SYNJ2BP: variants seen among roughly 807,000 people sequenced by gnomAD.
SYNJ2BP encodes synaptojanin-2-binding protein.
Under a neutral mutation model 16.9 loss-of-function variants are expected in SYNJ2BP, and 10 were observed. The observed-to-expected ratio is 0.59, with a 90% CI of 0.36 to 1.00. The LOEUF is 1.00. Among genes scored for constraint, SYNJ2BP ranks in the 50% least tolerant of loss-of-function variants. The probability of loss-of-function intolerance (pLI) is 0.01; values close to 1 mark genes in which losing one functional copy is unlikely to be tolerated. For missense variants in SYNJ2BP, 162 were observed against 186.7 expected (o/e 0.87, Z 0.77); for synonymous variants, 54 against 68.4 (o/e 0.79, Z 1.04).
In SYNJ2BP at chr14:70,375,526, G is replaced by A. The variant is rs1412483746; in HGVS notation, c.297+150C>T. The A allele has an allele frequency of 3.0e-6, 3 of 997,798 alleles. No homozygotes were observed. The African/African-American group carries it at 5.0e-5, about 17-fold the overall frequency. The allele number at this position is 997,798 out of a possible 1,614,324, so 61.8% of individuals were successfully genotyped here. A position where few individuals can be genotyped will look rare whatever the true frequency, so the allele number is the denominator to read the frequency against. On this transcript the variant is annotated intron_variant, in intron 3 of 3. Coordinates refer to ENST00000256366, the MANE Select transcript of SYNJ2BP (RefSeq NM_018373.3). ...GAATGTCCTTCAATGATAAGCAGAA[G>A]TACCAATGGACCCCTCCCTTTGCCT...
In SYNJ2BP at chr14:70,367,051, G is replaced by A. The variant is rs6573956; in HGVS notation, c.*5940C>T. The A allele has an allele frequency of 2.2e-4, 34 of 152,270 alleles. No individual in the cohort carries two copies. Among genetic ancestry groups the A allele is most frequent in the Non-Finnish European group, 4.1e-4 (28 of 68,028 alleles). The allele number at this position is 152,270 out of a possible 1,614,324, so 9.4% of individuals were successfully genotyped here. A position where few individuals can be genotyped will look rare whatever the true frequency, so the allele number is the denominator to read the frequency against. On this transcript the variant is annotated 3_prime_UTR_variant, in exon 4 of 4. Transcript: ENST00000256366. ...TCTTTTGTAAATTATTGTTGGTTAAGGATTGACTTGCATTGACAACACACT... is the reference window on the plus strand; with the variant it reads ...TCTTTTGTAAATTATTGTTGGTTAAAGATTGACTTGCATTGACAACACACT...
At chr14:70,409,925 C>T (rs1440908077) in intron 1 of SYNJ2BP, among the ~76,000 whole-genome samples, 1 of 149,174 alleles carries the variant, frequency 6.7e-6, no homozygotes, top group African/African-American at 2.5e-5. Context: ...GACTGGGCAA[C>T]ATAGTGAGAT....
intron 1 of SYNJ2BP, among the ~76,000 whole-genome samples, chr14:70,412,037 G>C (rs1213794317): frequency 3.3e-5 from 5 of 152,226 alleles, no homozygotes; most frequent in African/African-American, 9.6e-5. Context: ...GTTTCAGTTA[G>C]CATGAAACCC....
intron 2 of SYNJ2BP, among the ~76,000 whole-genome samples, chr14:70,387,228 T>C (rs1304136272): frequency 6.6e-6 from 1 of 152,216 alleles, no homozygotes; most frequent in Non-Finnish European, 1.5e-5. Context: ...CATTTTTCAC[T>C]AGTCCTGAAG....
intron 2 of SYNJ2BP, among the ~76,000 whole-genome samples, chr14:70,383,124 T>C (rs765729175): frequency 6.6e-6 from 1 of 152,202 alleles, no homozygotes; most frequent in African/African-American, 2.4e-5. Context: ...AGTCAGTGTG[T>C]TATAATGCAG....
At chr14:70,413,117 T>C (rs552065804) in intron 1 of SYNJ2BP, among the ~76,000 whole-genome samples, 12 of 152,316 alleles carry the variant, frequency 7.9e-5, no homozygotes, top group African/African-American at 2.6e-4. Context: ...CTCATACTAT[T>C]AGTCTAAAAT....
chr14:70,386,853 A>G (rs897452183), intron 2 of SYNJ2BP, among the ~76,000 whole-genome samples: 2 of 152,248 alleles, frequency 1.3e-5, no homozygotes, highest in African/African-American at 4.8e-5. Context: ...GGATGAAGCT[A>G]ACTCATTATA....
At chr14:70,378,735 C>T (rs1163620055) in intron 2 of SYNJ2BP, among the ~76,000 whole-genome samples, 1 of 152,068 alleles carries the variant, frequency 6.6e-6, no homozygotes, top group Non-Finnish European at 1.5e-5. Flanking sequence ...GCTGTTGACA[C>T]TAAAAACAAA....
chr14:70,404,555 G>C (rs61979068), intron 1 of SYNJ2BP, among the ~76,000 whole-genome samples: 8,153 of 152,168 alleles, frequency 0.054, 281 homozygotes, highest in Middle Eastern at 0.11. Context: ...GATTGAGAAG[G>C]TTATCTTTCT....
At chr14:70,388,974 C>T (rs1038198673) in intron 1 of SYNJ2BP, among the ~76,000 whole-genome samples, 34 of 149,540 alleles carry the variant, frequency 2.3e-4, no homozygotes, top group African/African-American at 7.9e-4. Context: ...GTGGTGGGCG[C>T]CTGTAATCCC....
intron 1 of SYNJ2BP, among the ~76,000 whole-genome samples, chr14:70,404,449 CATGTT>C (rs1888305240): frequency 6.6e-6 from 1 of 152,104 alleles, no homozygotes; most frequent in Non-Finnish European, 1.5e-5. Flanking sequence ...AACTTAAAAT[CATGTT>C]ATGCTAAATT....
At position 70,372,018 on chromosome 14, in the gene SYNJ2BP, T is replaced by G. The variant is rs903016916; in HGVS notation, c.*973A>C. 6.6e-6 allele frequency: 1 copy of G among 152,200 alleles called. No individual in the cohort carries two copies. Among genetic ancestry groups the G allele is most frequent in the Non-Finnish European group, 1.5e-5 (1 of 68,032 alleles). The allele number at this position is 152,200 out of a possible 1,614,324, so 9.4% of individuals were successfully genotyped here. A position where few individuals can be genotyped will look rare whatever the true frequency, so the allele number is the denominator to read the frequency against. On this transcript the variant is annotated 3_prime_UTR_variant, in exon 4 of 4. Coordinates refer to ENST00000256366, the MANE Select transcript of SYNJ2BP (RefSeq NM_018373.3). ...ATTTACCTTTACACCTCAAAGTTTT[T>G]TAGATGTGAGCAGCGCTGGATTATG... is the stretch of plus-strand genomic sequence containing the variant.
intron 1 of SYNJ2BP, among the ~76,000 whole-genome samples, chr14:70,391,938 C>G (rs186060695): frequency 3.3e-5 from 5 of 152,316 alleles, no homozygotes; most frequent in African/African-American, 1.2e-4. Flanking sequence ...CTGGGTGTAT[C>G]TATAAGCCAA....
chr14:70,407,625 C>G (rs1474394949), intron 1 of SYNJ2BP, among the ~76,000 whole-genome samples: 1 of 151,566 alleles, frequency 6.6e-6, no homozygotes, highest in African/African-American at 2.4e-5. Flanking sequence ...TAAATAAATT[C>G]TAAGTATATC....
Position 70,373,056 on chromosome 14 carries a change from C to G in SYNJ2BP, c.373G>C (p.Val125Leu), listed in dbSNP as rs1887550822. The change falls in exon 4 of 4, where the codon GTG (valine) becomes CTG (leucine). Residue 125 changes from valine to leucine, a missense_variant. By Grantham distance (32) the Val-to-Leu change is conservative (BLOSUM62 1). Coordinates refer to ENST00000256366, the MANE Select transcript of SYNJ2BP (RefSeq NM_018373.3). ...PSGIPIFMVL[V>L]PVFALTMVAA... is the part of the protein sequence containing the mutation. ...ACCATGGTGAGGGCAAACACTGGCA[C>G]CAGCACCATAAATATGGGAATACCA... is the stretch of plus-strand genomic sequence containing the variant. 1 of 1,614,118 alleles carries G rather than the reference C, an allele frequency of 6.2e-7. No individual in the cohort carries two copies. The highest frequency in any genetic ancestry group is 8.5e-7 in the Non-Finnish European group (1 of 1,180,020).
At chr14:70,386,074 C>T (rs1023230014) in intron 2 of SYNJ2BP, among the ~76,000 whole-genome samples, 6 of 152,194 alleles carry the variant, frequency 3.9e-5, no homozygotes, top group African/African-American at 1.4e-4. Context: ...CTCTTCTTAA[C>T]TCCTATACTA....
rs766522950 is a variant in SYNJ2BP at position 70,375,669 on chromosome 14, T to C, written c.297+7A>G. 5 of 1,611,932 alleles carry C rather than the reference T, an allele frequency of 3.1e-6. No homozygotes were observed. The African/African-American group carries it at 6.7e-5, about 22-fold the overall frequency. On this transcript the variant is annotated splice_region_variant and intron_variant, in intron 3 of 3. Coordinates refer to ENST00000256366, the MANE Select transcript of SYNJ2BP (RefSeq NM_018373.3). The stretch of plus-strand genomic sequence containing the variant: ...GTGCCAGGTTTCTGGCTCAAAGTGA[T>C]ACCTACCCTGTGCTGCACTCTCAGA...
chr14:70,368,796 A>G lies in SYNJ2BP; in HGVS notation c.*4195T>C, dbSNP rs780281268. 1 of 152,170 alleles carries G rather than the reference A, an allele frequency of 6.6e-6. No individual in the cohort carries two copies. The highest frequency in any genetic ancestry group is 2.4e-5 in the African/African-American group (1 of 41,422). The allele number at this position is 152,170 out of a possible 1,614,324, so 9.4% of individuals were successfully genotyped here. A position where few individuals can be genotyped will look rare whatever the true frequency, so the allele number is the denominator to read the frequency against. The stretch of plus-strand genomic sequence containing the variant: ...GTGTCTTGTTTAAATGCTATATAAC[A>G]TTTTCAACTGCGGCTGCACACCAGA... On this transcript the variant is annotated 3_prime_UTR_variant, in exon 4 of 4. Coordinates refer to ENST00000256366, the MANE Select transcript of SYNJ2BP (RefSeq NM_018373.3).
chr14:70,381,104 T>A (rs1205240932), intron 2 of SYNJ2BP, among the ~76,000 whole-genome samples: 6 of 152,194 alleles, frequency 3.9e-5, no homozygotes, highest in Non-Finnish European at 7.3e-5. Context: ...ATAATCTCAG[T>A]ACTACATAAA....
Sources: gnomAD v4.1 joint callset for allele counts (sites outside exome capture counted in the v4.1 genomes callset) on GRCh38, gnomAD v4.1.1 for gene constraint, MANE v1.5 for transcripts, NCBI Gene and HGNC (gene_info 2026-07-23, HGNC 2026-07-21) for gene names.